MBNL2: variants seen among roughly 807,000 people sequenced by gnomAD.
MBNL2 encodes the protein muscleblind like splicing regulator 2, also known as muscleblind-like protein 2.
In MBNL2, 17 loss-of-function variants were observed where a neutral mutation model predicts 41.9. The observed-to-expected ratio is 0.41, with a 90% CI of 0.28 to 0.61. The LOEUF (loss-of-function observed/expected upper bound fraction) is 0.61, where lower values mean the gene tolerates loss of function less well. Ranked by LOEUF, MBNL2 falls within the 20% of genes least tolerant of loss-of-function variation. MBNL2 has a pLI of 0.35. For synonymous variants in MBNL2, 195 were observed against 182.9 expected (o/e 1.07, Z -0.53); for missense variants, 336 against 505.6 (o/e 0.66, Z 3.22).
At chr13:97,155,551 C>T in the MBNL2 span, among the ~76,000 whole-genome samples, 160 of 149,266 alleles carry the variant, frequency 1.1e-3, no homozygotes, top group African/African-American at 3.7e-3. Flanking sequence ...CCCCCCTCCC[C>T]ACACCCCACA....
chr13:97,338,010 A>T (rs540505646), intron 3 of MBNL2, among the ~76,000 whole-genome samples: 12 of 152,288 alleles, frequency 7.9e-5, no homozygotes, highest in African/African-American at 2.4e-4. Flanking sequence ...ATCTATCAAT[A>T]TCCACTCTTG....
At chr13:97,371,145 T>TTGTAAG (rs2064335738) in intron 8 of MBNL2, among the ~76,000 whole-genome samples, 2 of 152,204 alleles carry the variant, frequency 1.3e-5, no homozygotes, top group Non-Finnish European at 2.9e-5. Context: ...TTGTAATTTG[T>TTGTAAG]TTAGTATTTT....
At chr13:97,291,917 A>AAAAAAAAAAG (rs398070410) in intron 2 of MBNL2, among the ~76,000 whole-genome samples, 1 of 125,426 alleles carries the variant, frequency 8.0e-6, no homozygotes, top group Non-Finnish European at 1.7e-5. Flanking sequence ...AAAAAAAAAA[A>AAAAAAAAAAG]GTGGGCTGGG....
At chr13:97,161,130 A>C in the MBNL2 span, among the ~76,000 whole-genome samples, 1 of 152,174 alleles carries the variant, frequency 6.6e-6, no homozygotes, top group African/African-American at 2.4e-5. Flanking sequence ...ATTCATTTGC[A>C]TAGTAAGGTC....
the MBNL2 span, among the ~76,000 whole-genome samples, chr13:97,168,267 C>T: frequency 2.0e-5 from 3 of 152,022 alleles, no homozygotes; most frequent in South Asian, 2.1e-4. Flanking sequence ...CCCGGCCTTG[C>T]GTATGTTTTA....
At position 97,391,382 on chromosome 13, in the gene MBNL2, C is replaced by A; in HGVS notation, c.1109C>A (p.Thr370Asn). 1 of 1,590,028 alleles carries A rather than the reference C, an allele frequency of 6.3e-7. No homozygotes were observed. Among genetic ancestry groups the A allele is most frequent in the Non-Finnish European group, 8.6e-7 (1 of 1,158,576 alleles). ...MECQESALRI[T>N]KHCYCTYYPV... ...TGCCAAGAATCTGCATTGAGAATAA[C>A]TAAACATTGTTACTGTACATACTAT... The change falls in exon 9 of 9, where the codon ACT becomes AAT. Residue 370 changes from threonine (T) to asparagine (N), a missense_variant. Thr to Asn is a moderately conservative substitution (Grantham distance 65, BLOSUM62 0). Coordinates refer to ENST00000679496, the MANE Select transcript of MBNL2 (RefSeq NM_001382683.1).
chr13:97,312,226 A>C (rs2058676767), intron 2 of MBNL2, among the ~76,000 whole-genome samples: 1 of 152,248 alleles, frequency 6.6e-6, no homozygotes, highest in South Asian at 2.1e-4. Context: ...AATGGAATAC[A>C]TTCTGTTAAT....
chr13:97,230,968 A>G (rs1472123861), intron 1 of MBNL2, among the ~76,000 whole-genome samples: 1 of 152,232 alleles, frequency 6.6e-6, no homozygotes, highest in East Asian at 1.9e-4. Context: ...TTAAAAACCA[A>G]TAATTATCAA....
At chr13:97,183,798 T>C in the MBNL2 span, among the ~76,000 whole-genome samples, 2 of 152,232 alleles carry the variant, frequency 1.3e-5, no homozygotes. Flanking sequence ...GAGGAATTAT[T>C]GTTCCACTTC....
At chr13:97,206,588 C>T in the MBNL2 span, among the ~76,000 whole-genome samples, 2 of 152,092 alleles carry the variant, frequency 1.3e-5, no homozygotes, top group African/African-American at 2.4e-5. Context: ...ATGAGAATTG[C>T]TATATCCTTG....
intron 8 of MBNL2, among the ~76,000 whole-genome samples, chr13:97,365,722 C>T (rs866159447): frequency 9.2e-5 from 14 of 152,102 alleles, no homozygotes; most frequent in Admixed American, 4.6e-4. Flanking sequence ...TTCCCTTAGC[C>T]GTTCAATTTT....
chr13:97,235,675 A>G (rs2043138993), intron 1 of MBNL2, among the ~76,000 whole-genome samples: 1 of 152,208 alleles, frequency 6.6e-6, no homozygotes, highest in East Asian at 1.9e-4. Flanking sequence ...TTGTCAGGTT[A>G]ACAGAATGGA....
chr13:97,225,610 G>T (rs1048623268), intron 1 of MBNL2, among the ~76,000 whole-genome samples: 1 of 151,996 alleles, frequency 6.6e-6, no homozygotes, highest in African/African-American at 2.4e-5. Flanking sequence ...GAGATAAAGG[G>T]GGTTATAAAA....
chr13:97,346,515 A>T lies in MBNL2; in HGVS notation c.541-289A>T, dbSNP rs1406323246. ...CAGCTGCATAATATGCTACCCAGGG[A>T]CAATGGAGGCCTTGTTGCTTTTCCT... On this transcript the variant is annotated intron_variant, in intron 4 of 8. Transcript: ENST00000679496. The surrounding 1 kb of genome is among the most constrained non-coding windows in gnomAD (Gnocchi z 4.2). 6.6e-6 allele frequency among the ~76,000 whole-genome samples: 1 copy of T among 152,214 alleles called. No individual in the cohort carries two copies. Among genetic ancestry groups the T allele is most frequent in the Non-Finnish European group, 1.5e-5 (1 of 68,030 alleles).
chr13:97,178,398 A>G, the MBNL2 span, among the ~76,000 whole-genome samples: 5 of 152,230 alleles, frequency 3.3e-5, no homozygotes, highest in Non-Finnish European at 5.9e-5. Flanking sequence ...TGGAAAAAGC[A>G]GTAATAGTGT....
intron 2 of MBNL2, among the ~76,000 whole-genome samples, chr13:97,317,715 T>C (rs1426739045): frequency 6.6e-6 from 1 of 152,232 alleles, no homozygotes; most frequent in Non-Finnish European, 1.5e-5. Context: ...TGGCCTACTT[T>C]GGTTATTCAC....
chr13:97,271,114 T>G (rs919764704), intron 1 of MBNL2, among the ~76,000 whole-genome samples: 24 of 45,852 alleles, frequency 5.2e-4, no homozygotes, highest in Non-Finnish European at 1.3e-3. Context: ...TCTTTTTTGT[T>G]TTTTTTTTTT....
rs142869136 is a variant in MBNL2, at chr13:97,392,909, A to T, written c.*1460A>T. The T allele has an allele frequency of 2.6e-5, 4 of 152,618 alleles. No homozygotes were observed. The highest frequency in any genetic ancestry group is 9.6e-5 in the African/African-American group (4 of 41,586). 9.5% of individuals were successfully genotyped at this position (152,618 alleles called of 1,614,324 possible). On this transcript the variant is annotated 3_prime_UTR_variant, in exon 9 of 9. Transcript: ENST00000679496. ...ATTTTGACTTTTGAGATTGAATGTA[A>T]AATATTTTAAATTTGGGATCATCGC...
chr13:97,271,406 C>G lies in MBNL2; in HGVS notation c.-604-4226C>G, dbSNP rs543347017. On this transcript the variant is annotated intron_variant, in intron 1 of 8. Transcript: ENST00000679496. ...GACAGGCGTGAGCCACTGCACCCAG[C>G]CTACTCCACTTTTTAAGATTTATTT... 1.6e-3 allele frequency among the ~76,000 whole-genome samples: 246 copies of G among 151,714 alleles called. 2 individuals carry two copies. The highest frequency in any genetic ancestry group is 5.8e-3 in the African/African-American group (240 of 41,390).
Sources: gnomAD v4.1 joint callset for allele counts (sites outside exome capture counted in the v4.1 genomes callset) on GRCh38, gnomAD v4.1.1 for gene constraint, Gnocchi (gnomAD v3.1) non-coding constraint, MANE v1.5 for transcripts, NCBI Gene and HGNC (gene_info 2026-07-23, HGNC 2026-07-21) for gene names.